The following CADM2 variants were observed in gnomAD, a reference collection of about 807,000 sequenced individuals.
CADM2 encodes immunoglobulin superfamily member 4D.
In CADM2, 12 loss-of-function variants were observed where a neutral mutation model predicts 49.8. The ratio of observed to expected loss-of-function variants is 0.24; its 90% confidence interval spans 0.15 to 0.39. The LOEUF (loss-of-function observed/expected upper bound fraction) is 0.39, where lower values mean the gene tolerates loss of function less well. CADM2 is among the 10% of genes least tolerant of loss of function. CADM2 has a pLI of 1.00. For missense variants in CADM2, 378 were observed against 492.3 expected, an observed-to-expected ratio of 0.77 and a Z score of 2.20; for synonymous variants, 214 against 175.4, an observed-to-expected ratio of 1.22 and a Z score of -1.74.
intron 1 of CADM2, among the ~76,000 whole-genome samples, chr3:85,497,624 A>G (rs1401618631): frequency 2.0e-5 from 3 of 152,144 alleles, no homozygotes; most frequent in African/African-American, 7.2e-5. Context: ...ATTAAATTAG[A>G]AAATCATCTT....
At chr3:86,051,862 C>T (rs1368212581) in intron 8 of CADM2, among the ~76,000 whole-genome samples, 2 of 152,132 alleles carry the variant, frequency 1.3e-5, no homozygotes, top group Non-Finnish European at 2.9e-5. Flanking sequence ...AGAAACCGTT[C>T]CCACAATCCA....
At chr3:85,543,429 T>TGTGTGTGTGTGTGG (rs1559898990) in intron 1 of CADM2, among the ~76,000 whole-genome samples, 11 of 56,832 alleles carry the variant, frequency 1.9e-4, no homozygotes, top group East Asian at 1.5e-3. Flanking sequence ...AATGTGTGTG[T>TGTGTGTGTGTGTGG]GTGTGTGTGT....
At chr3:85,512,101 C>T (rs2040645646) in intron 1 of CADM2, among the ~76,000 whole-genome samples, 2 of 152,116 alleles carry the variant, frequency 1.3e-5, no homozygotes, top group African/African-American at 4.8e-5. Flanking sequence ...TGATCCCCAT[C>T]ACCCAGGTAG....
At chr3:85,998,745 G>A (rs1200587318) in intron 8 of CADM2, among the ~76,000 whole-genome samples, 4 of 152,044 alleles carry the variant, frequency 2.6e-5, no homozygotes, top group African/African-American at 9.7e-5. Context: ...ATGGATGGAA[G>A]ATTGAGAAAG....
chr3:86,009,203 A>ATG (rs1205393612), intron 8 of CADM2, among the ~76,000 whole-genome samples: 3 of 85,050 alleles, frequency 3.5e-5, no homozygotes, highest in African/African-American at 1.4e-4. Context: ...ATGAATATAT[A>ATG]TGTGTATGTG....
chr3:85,364,147 G>C (rs2107291012), intron 1 of CADM2, among the ~76,000 whole-genome samples: 1 of 152,262 alleles, frequency 6.6e-6, no homozygotes, highest in Admixed American at 6.5e-5. Flanking sequence ...AGCACATGCT[G>C]TCTTTGTCTC....
At chr3:85,960,269 C>T (rs781125235) in intron 7 of CADM2, among the ~76,000 whole-genome samples, 26 of 151,876 alleles carry the variant, frequency 1.7e-4, no homozygotes, top group Non-Finnish European at 5.9e-5. Flanking sequence ...AGAAAGGATG[C>T]CATACCCATA....
At chr3:85,281,900 C>T (rs1475230657) in intron 1 of CADM2, among the ~76,000 whole-genome samples, 1 of 151,998 alleles carries the variant, frequency 6.6e-6, no homozygotes, top group African/African-American at 2.4e-5. Context: ...AGCTGTACAC[C>T]TGTTTGCTCA....
Position 85,615,645 on chromosome 3 carries a change from T to C in CADM2, c.62-110877T>C, listed in dbSNP as rs751911989. On this transcript the variant is annotated intron_variant, in intron 1 of 9. Coordinates refer to ENST00000383699, the MANE Select transcript of CADM2 (RefSeq NM_001167675.2). ...GGGAAATGAATAATGATGACACTTT[T>C]CTAGGCTAAGATAATCCTTTAAACT... is the stretch of plus-strand genomic sequence containing the variant. Among the ~76,000 whole-genome samples, 11 of 151,692 alleles carry C rather than the reference T, an allele frequency of 7.3e-5. 1 individual carries two copies. The highest frequency in any genetic ancestry group is 1.6e-4 in the Non-Finnish European group (11 of 67,850).
At chr3:85,285,218 G>A (rs1559759037) in intron 1 of CADM2, among the ~76,000 whole-genome samples, 1 of 152,162 alleles carries the variant, frequency 6.6e-6, no homozygotes, top group East Asian at 1.9e-4. Flanking sequence ...GGAAATATTG[G>A]ATATATGAGT....
intron 8 of CADM2, among the ~76,000 whole-genome samples, chr3:86,060,925 T>TG (rs934424168): frequency 2.4e-4 from 36 of 151,908 alleles, no homozygotes; most frequent in African/African-American, 8.7e-4. Flanking sequence ...GAGGTTGCAG[T>TG]GAGTCAAGAT....
chr3:85,714,632 G>A (rs940923253), intron 1 of CADM2, among the ~76,000 whole-genome samples: 18 of 151,882 alleles, frequency 1.2e-4, no homozygotes, highest in South Asian at 4.2e-4. Flanking sequence ...GGGTTTCACC[G>A]TGTTAGCTAG....
At chr3:86,014,022 C>A (rs1731883217) in intron 8 of CADM2, 1 of 1,379,600 alleles carries the variant, frequency 7.2e-7, no homozygotes, top group Admixed American at 2.2e-5. Context: ...CCCTTGATCA[C>A]AACTGCTTTT....
chr3:85,851,293 T>C (rs1021961296), intron 3 of CADM2, among the ~76,000 whole-genome samples: 3 of 152,222 alleles, frequency 2.0e-5, no homozygotes, highest in African/African-American at 7.2e-5. Context: ...CATAAGAAGG[T>C]GAAGATCTTT....
chr3:86,056,809 G>A (rs937423325), intron 8 of CADM2, among the ~76,000 whole-genome samples: 1 of 152,114 alleles, frequency 6.6e-6, no homozygotes. Flanking sequence ...GTTGTGAATA[G>A]GAAACTTATG....
intron 1 of CADM2, among the ~76,000 whole-genome samples, chr3:85,248,579 A>G (rs1045657477): frequency 6.6e-6 from 1 of 152,186 alleles, no homozygotes; most frequent in Non-Finnish European, 1.5e-5. Context: ...CCCAGCCTAC[A>G]TACATATTTA....
chr3:85,234,816 T>A (rs992296012), intron 1 of CADM2, among the ~76,000 whole-genome samples: 8 of 152,246 alleles, frequency 5.3e-5, no homozygotes, highest in Middle Eastern at 3.4e-3. Context: ...ACAAACATGT[T>A]AACACCCTGT....
chr3:85,792,373 A>G (rs1208965480), intron 2 of CADM2, among the ~76,000 whole-genome samples: 1 of 152,196 alleles, frequency 6.6e-6, no homozygotes, highest in Non-Finnish European at 1.5e-5. Flanking sequence ...AATATTCTTA[A>G]CATCTTGTTT....
chr3:85,408,544 T>TA, intron 1 of CADM2, among the ~76,000 whole-genome samples: 1 of 152,160 alleles, frequency 6.6e-6, no homozygotes, highest in Non-Finnish European at 1.5e-5. Context: ...TAGAGATATG[T>TA]TCTATTTTTT....
Sources: gnomAD v4.1 joint callset for allele counts (sites outside exome capture counted in the v4.1 genomes callset) on GRCh38, gnomAD v4.1.1 for gene constraint, MANE v1.5 for transcripts, NCBI Gene and HGNC (gene_info 2026-07-23, HGNC 2026-07-21) for gene names.